The following CGREF1 variants were observed in gnomAD, a reference collection of about 807,000 sequenced individuals.
CGREF1 encodes cell growth regulator with EF hand domain protein 1.
Under a neutral mutation model 17.4 loss-of-function variants are expected in CGREF1, and 16 were observed. The observed-to-expected ratio is 0.92, with a 90% CI of 0.62 to 1.40. The LOEUF is 1.40. CGREF1 is among the 40% of genes most tolerant of loss of function. The pLI is 0.00. For synonymous variants in CGREF1, 142 were observed against 154.6 expected (o/e 0.92, Z 0.61); for missense variants, 296 against 376.4 (o/e 0.79, Z 1.77).
chr2:27,116,028 C>A (rs561846575), intron 1 of CGREF1, among the ~76,000 whole-genome samples: 1 of 128,940 alleles, frequency 7.8e-6, no homozygotes, highest in African/African-American at 2.9e-5. Flanking sequence ...GCCTGGGCAG[C>A]AAAATGAGAC....
chr2:27,103,209 C>T (rs1052434543), intron 2 of CGREF1: 32 of 663,044 alleles, frequency 4.8e-5, no homozygotes, highest in Admixed American at 3.1e-4. Flanking sequence ...GGAGTTGCAG[C>T]GACTTTTGTC....
chr2:27,104,294 C>T lies in CGREF1; in HGVS notation c.73G>A (p.Val25Ile). ...CCCTCATAACCCTGTTACCTTGTGA[C>T]TCCATCCTTTGGGGCAGCCTGACCC... ...PTGQAAPKDG[V>I]TRPDSEVQHQ... Residue 25 changes from valine (V) to isoleucine (I), a missense_variant, in exon 2 of 6, where the codon GTC (valine) becomes ATC (isoleucine). Val to Ile is a conservative substitution (Grantham distance 29, BLOSUM62 3). Transcript: ENST00000402394. 6.4e-7 allele frequency: 1 copy of T among 1,560,966 alleles called. No individual in the cohort carries two copies. Among genetic ancestry groups the T allele is most frequent in the Non-Finnish European group, 8.7e-7 (1 of 1,153,160 alleles).
chr2:27,116,955 C>CAGGCTGG (rs1671611820), intron 1 of CGREF1, among the ~76,000 whole-genome samples: 2 of 144,094 alleles, frequency 1.4e-5, no homozygotes, highest in South Asian at 4.5e-4. Context: ...CTCTGTCACC[C>CAGGCTGG]AGGCTGGAGT....
downstream of CGREF1, chr2:27,099,535 G>A (rs141220653): frequency 1.9e-6 from 3 of 1,614,076 alleles, no homozygotes; most frequent in African/African-American, 2.7e-5. Flanking sequence ...ACTGGGAGCT[G>A]GAGACACCTT....
At chr2:27,111,449 C>T (rs1240249002) in intron 1 of CGREF1, among the ~76,000 whole-genome samples, 2 of 152,260 alleles carry the variant, frequency 1.3e-5, no homozygotes, top group African/African-American at 4.8e-5. Context: ...CAGCTGGCTT[C>T]ACCCAGTGGA....
chr2:27,116,846 GGGATGA>G (rs1485414706), intron 1 of CGREF1, among the ~76,000 whole-genome samples: 1 of 134,848 alleles, frequency 7.4e-6, no homozygotes, highest in Non-Finnish European at 1.6e-5. Flanking sequence ...TGGGATTACA[GGGATGA>G]GCCACCAGGC....
At chr2:27,117,102 G>A (rs1034507600) in intron 1 of CGREF1, among the ~76,000 whole-genome samples, 7 of 151,656 alleles carry the variant, frequency 4.6e-5, no homozygotes, top group East Asian at 1.9e-4. Context: ...TAGTAGAGAC[G>A]GGGTTTCACC....
At chr2:27,099,552 C>T (rs144943949), downstream of CGREF1, 795 of 1,614,180 alleles carry the variant, frequency 4.9e-4, 1 homozygote, top group Middle Eastern at 2.1e-3. Flanking sequence ...CCTTCAATGC[C>T]TCCGTCATCT....
chr2:27,103,122 C>T, intron 2 of CGREF1: 1 of 985,250 alleles, frequency 1.0e-6, no homozygotes, highest in African/African-American at 1.7e-5. Context: ...TTTCAAGCTC[C>T]AAATGTGCTC....
chr2:27,099,615 T>C, downstream of CGREF1: 1 of 1,614,036 alleles, frequency 6.2e-7, no homozygotes, highest in Non-Finnish European at 8.5e-7. Context: ...GACTGGGACC[T>C]GTCCCTGCCC....
intron 1 of CGREF1, among the ~76,000 whole-genome samples, chr2:27,116,237 A>C (rs1671560714): frequency 6.6e-6 from 1 of 151,364 alleles, no homozygotes. Context: ...AAAAAAAAAA[A>C]AAACAAAGGC....
At chr2:27,099,902 G>A, downstream of CGREF1, 1 of 1,528,816 alleles carries the variant, frequency 6.5e-7, no homozygotes, top group Non-Finnish European at 8.9e-7. Flanking sequence ...GTTCCCCACA[G>A]GGAGAGGCTC....
Position 27,103,896 on chromosome 2 carries a change from T to C in CGREF1, c.80+391A>G, listed in dbSNP as rs550773237. ...TACTCGGGAGGCTGAGGCAGAAGAA[T>C]TGCTTGAACCCGGGAGGCGGAGCTC... On this transcript the variant is annotated intron_variant, in intron 2 of 5. Coordinates refer to ENST00000402394, the MANE Select transcript of CGREF1 (RefSeq NM_006569.6). 2.0e-5 allele frequency among the ~76,000 whole-genome samples: 3 copies of C among 152,164 alleles called. No individual in the cohort carries two copies. The East Asian group carries it at 5.9e-4, about 30-fold the overall frequency.
chr2:27,103,355 T>C lies in CGREF1; in HGVS notation c.81-764A>G, dbSNP rs1670983402. Among the ~76,000 whole-genome samples the C allele has an allele frequency of 3.5e-5, 5 of 143,952 alleles. No homozygotes were observed. The South Asian group carries it at 1.2e-3, about 34-fold the overall frequency. The allele number at this position is 143,952 out of a possible 152,430, so 94.4% of individuals were successfully genotyped here. On this transcript the variant is annotated intron_variant, in intron 2 of 5. Transcript: ENST00000402394. ...GAAATGACATGCTAATGATCTCTACTTCTTTGGTGTTGCCACCATAAGGTC... is the reference window on the plus strand; with the variant it reads ...GAAATGACATGCTAATGATCTCTACCTCTTTGGTGTTGCCACCATAAGGTC...
intron 1 of CGREF1, among the ~76,000 whole-genome samples, chr2:27,110,182 T>A (rs1305527024): frequency 6.6e-6 from 1 of 151,626 alleles, no homozygotes; most frequent in Non-Finnish European, 1.5e-5. Flanking sequence ...ACATAGTCTC[T>A]GTTTGAGCCC....
chr2:27,112,828 A>G (rs1156330939), intron 1 of CGREF1, among the ~76,000 whole-genome samples: 1 of 152,236 alleles, frequency 6.6e-6, no homozygotes, highest in African/African-American at 2.4e-5. Flanking sequence ...CATGAAATAT[A>G]CCACAAATCA....
intron 1 of CGREF1, among the ~76,000 whole-genome samples, chr2:27,117,133 G>A (rs779159561): frequency 1.3e-5 from 2 of 150,024 alleles, no homozygotes; most frequent in African/African-American, 2.5e-5. Context: ...GGCTGTTCTC[G>A]AACCCCTGAT....
In CGREF1 at chr2:27,102,805, T is replaced by C. The variant is rs544397579; in HGVS notation, c.81-214A>G. The C allele has an allele frequency of 2.6e-5, 16 of 608,988 alleles. 1 individual carries two copies. The South Asian group carries it at 9.4e-4, about 36-fold the overall frequency. The allele number at this position is 608,988 out of a possible 1,614,324, so 37.7% of individuals were successfully genotyped here. ...ACTCTGTTTTTGCAGCTGGCTACCT[T>C]AGACTTTAAATGAAAACCCAAATAA... is the stretch of plus-strand genomic sequence containing the variant. On this transcript the variant is annotated intron_variant, in intron 2 of 5. Coordinates refer to ENST00000402394, the MANE Select transcript of CGREF1 (RefSeq NM_006569.6).
intron 1 of CGREF1, among the ~76,000 whole-genome samples, chr2:27,106,242 A>G (rs976298307): frequency 6.6e-6 from 1 of 152,274 alleles, no homozygotes; most frequent in African/African-American, 2.4e-5. Flanking sequence ...TGGGTTGGCA[A>G]GAAATCCTCA....
Sources: allele counts gnomAD v4.1 joint callset (sites outside exome capture counted in the v4.1 genomes callset), GRCh38; gene constraint gnomAD v4.1.1; transcripts MANE v1.5; gene names NCBI Gene and HGNC (gene_info 2026-07-23, HGNC 2026-07-21).